Variants in TOPBP1 observed in about 807,000 individuals in gnomAD.
TOPBP1 encodes DNA topoisomerase II binding protein 1.
Under a neutral mutation model 167.7 loss-of-function variants are expected in TOPBP1, and 28 were observed. The observed-to-expected ratio is 0.17, with a 90% CI of 0.12 to 0.23. TOPBP1 has a LOEUF of 0.23. Among genes scored for constraint, TOPBP1 ranks in the 10% least tolerant of loss-of-function variants. The pLI is 1.00. For missense variants in TOPBP1, 1,554 were observed against 1,809.6 expected (o/e 0.86, Z 2.56); for synonymous variants, 598 against 611.4 (o/e 0.98, Z 0.32).
intron 12 of TOPBP1, among the ~76,000 whole-genome samples, chr3:133,640,830 A>G (rs1935869379): frequency 6.6e-6 from 1 of 152,230 alleles, no homozygotes; most frequent in Non-Finnish European, 1.5e-5. Context: ...TTAACCTACT[A>G]CAACTTTCCA....
chr3:133,637,853 G>A (rs749856722), intron 14 of TOPBP1, 23 bp downstream of exon 14: 36 of 1,608,052 alleles, frequency 2.2e-5, no homozygotes, highest in Non-Finnish European at 3.1e-5. Flanking sequence ...GTTAACTCTG[G>A]GACCACTGCC....
At chr3:133,606,474 C>T (rs976253118) in intron 27 of TOPBP1, among the ~76,000 whole-genome samples, 1 of 148,566 alleles carries the variant, frequency 6.7e-6, no homozygotes, top group East Asian at 1.9e-4. Context: ...CAGTGCAATC[C>T]TAATCTTAAC....
intron 2 of TOPBP1, 149 bp downstream of exon 2, chr3:133,660,895 T>C (rs1936683625): frequency 1.8e-6 from 1 of 558,408 alleles, no homozygotes; most frequent in Non-Finnish European, 3.0e-6. Context: ...AATTCAAAAA[T>C]ATGTGATAAT....
In TOPBP1 at chr3:133,651,127, A is replaced by G. The variant is rs192436594; in HGVS notation, c.1090-1184T>C. Among the ~76,000 whole-genome samples, 359 of 131,958 alleles carry G rather than the reference A, an allele frequency of 2.7e-3. 2 individuals carry two copies. The highest frequency in any genetic ancestry group is 9.7e-3 in the African/African-American group (336 of 34,494). 86.6% of individuals were successfully genotyped at this position (131,958 alleles called of 152,430 possible). Reference sequence around the variant, plus strand: ...AAAAACAAAAAACCCACCTTTTGTAAGTTGGCAAGTTTAAAAAAAAAAAAG... The same window carrying G: ...AAAAACAAAAAACCCACCTTTTGTAGGTTGGCAAGTTTAAAAAAAAAAAAG... On this transcript the variant is annotated intron_variant, in intron 8 of 27. Coordinates refer to ENST00000260810, the MANE Select transcript of TOPBP1 (RefSeq NM_007027.4).
intron 10 of TOPBP1, 143 bp from the exon 11 acceptor site, chr3:133,644,506 T>C: frequency 1.3e-6 from 1 of 796,982 alleles, no homozygotes. Context: ...TAAAGGGATA[T>C]GGATTCACCC....
intron 2 of TOPBP1, 82 bp from the exon 3 acceptor site, chr3:133,659,232 G>T: frequency 7.3e-7 from 1 of 1,367,222 alleles, no homozygotes; most frequent in Non-Finnish European, 9.7e-7. Flanking sequence ...CTCAAATCCA[G>T]CCTTTTCCCT....
rs374840523 is a variant in TOPBP1 at position 133,616,795 on chromosome 3, T to A, written c.3871+19A>T. 1 of 1,400,758 alleles carries A rather than the reference T, an allele frequency of 7.1e-7. No homozygotes were observed. Among genetic ancestry groups the A allele is most frequent in the African/African-American group, 1.5e-5 (1 of 67,946 alleles). 86.8% of individuals were successfully genotyped at this position (1,400,758 alleles called of 1,614,324 possible). ...GGTTATTATATGGGACATTTTGGAT[T>A]TAAGTAAAATACTGGTACCTAGTTT... On this transcript the variant is annotated intron_variant, in intron 23 of 27. Transcript: ENST00000260810.
At chr3:133,647,344 G>A (rs1184035479) in intron 10 of TOPBP1, among the ~76,000 whole-genome samples, 1 of 152,090 alleles carries the variant, frequency 6.6e-6, no homozygotes, top group Non-Finnish European at 1.5e-5. Context: ...TAAACTCCTA[G>A]GCACCTAGCA....
chr3:133,653,585 T>C, intron 6 of TOPBP1, 61 bp from the exon 7 acceptor site: 1 of 1,344,900 alleles, frequency 7.4e-7, no homozygotes, highest in East Asian at 2.6e-5. Flanking sequence ...TGAAAACCAT[T>C]ACAATCTATC....
intron 7 of TOPBP1, 128 bp downstream of exon 7, chr3:133,653,215 CAA>C (rs1237966696): frequency 9.1e-6 from 8 of 876,488 alleles, no homozygotes; most frequent in African/African-American, 1.8e-5. Flanking sequence ...GACTATTATA[CAA>C]TTATGCCTAG....
At chr3:133,630,768 G>C (rs943214291) in intron 14 of TOPBP1, among the ~76,000 whole-genome samples, 1 of 152,152 alleles carries the variant, frequency 6.6e-6, no homozygotes, top group Admixed American at 6.5e-5. Context: ...TTTTAATGCT[G>C]TCAAATTCAT....
At chr3:133,620,455 C>A (rs1935048203) in intron 19 of TOPBP1, 108 bp from the exon 20 acceptor site, 2 of 1,097,882 alleles carry the variant, frequency 1.8e-6, no homozygotes, top group Non-Finnish European at 2.6e-6. Context: ...ATTGACTTGA[C>A]ATTTACTGAA....
At chr3:133,622,286 G>C (rs986056652) in intron 19 of TOPBP1, among the ~76,000 whole-genome samples, 1 of 147,922 alleles carries the variant, frequency 6.8e-6, no homozygotes, top group African/African-American at 2.5e-5. Context: ...CGCCTCCCGA[G>C]TTCAAGCGAT....
At position 133,617,271 on chromosome 3, in the gene TOPBP1, A is replaced by C; in HGVS notation, c.3648T>G (p.Ser1216=). ...RVTEAPKHPI[S]EELETPIKDS... is the part of the protein sequence containing the mutation. ...CTTTTATGGGAGTTTCCAGTTCTTC[A>C]GAGATTGGGTGTTTGGGAGCTTCAG... The change falls in exon 22 of 28, where the codon TCT becomes TCG. Residue 1216 remains serine (S), a synonymous_variant. Coordinates refer to ENST00000260810, the MANE Select transcript of TOPBP1 (RefSeq NM_007027.4). 1 of 1,613,754 alleles carries C rather than the reference A, an allele frequency of 6.2e-7. No individual in the cohort carries two copies. The highest frequency in any genetic ancestry group is 8.5e-7 in the Non-Finnish European group (1 of 1,179,810).
chr3:133,635,225 C>T (rs1384764143), intron 14 of TOPBP1, among the ~76,000 whole-genome samples: 1 of 152,084 alleles, frequency 6.6e-6, no homozygotes, highest in Admixed American at 6.6e-5. Context: ...GCTGGGATAA[C>T]AGGCATGAGC....
chr3:133,606,572 A>T (rs548357967), intron 27 of TOPBP1, among the ~76,000 whole-genome samples: 2 of 151,324 alleles, frequency 1.3e-5, no homozygotes, highest in African/African-American at 2.4e-5. Flanking sequence ...GACATGGAAC[A>T]GCTAAATAAC....
chr3:133,612,656 C>A, intron 23 of TOPBP1, 104 bp from the exon 24 acceptor site: 1 of 1,146,100 alleles, frequency 8.7e-7, no homozygotes, highest in East Asian at 2.7e-5. Flanking sequence ...TAAAATGCCC[C>A]AAACCATTTA....
chr3:133,623,262 T>C (rs1444187884), intron 18 of TOPBP1, 49 bp downstream of exon 18: 1 of 1,612,490 alleles, frequency 6.2e-7, no homozygotes, highest in African/African-American at 1.3e-5. Context: ...CAATATATGA[T>C]TATACCTTTA....
At chr3:133,616,634 G>A (rs1433036750) in intron 23 of TOPBP1, among the ~76,000 whole-genome samples, 180 bp downstream of exon 23, 1 of 152,168 alleles carries the variant, frequency 6.6e-6, no homozygotes, top group Non-Finnish European at 1.5e-5. Context: ...ATGATCTACT[G>A]ACTTTAGAGC....
Sources: allele counts gnomAD v4.1 joint callset (sites outside exome capture counted in the v4.1 genomes callset), GRCh38; gene constraint gnomAD v4.1.1; transcripts MANE v1.5; gene names NCBI Gene and HGNC (gene_info 2026-07-23, HGNC 2026-07-21).